Variants in PTPN13 observed in about 807,000 individuals in gnomAD.
PTPN13 encodes protein tyrosine phosphatase non-receptor type 13.
A neutral mutation model predicts 284.0 loss-of-function variants in PTPN13; 191 were observed. That is an observed-to-expected ratio of 0.67 (90% CI 0.60 to 0.76). The LOEUF (loss-of-function observed/expected upper bound fraction) is 0.76, where lower values mean the gene tolerates loss of function less well. Among genes scored for constraint, PTPN13 ranks in the 30% least tolerant of loss-of-function variants. The pLI is 0.00. For synonymous variants in PTPN13, 986 were observed against 1,022.3 expected (o/e 0.96, Z 0.68); for missense variants, 2,797 against 2,939.9 (o/e 0.95, Z 1.12).
At chr4:86,700,050 G>C (rs1649332062) in intron 6 of PTPN13, among the ~76,000 whole-genome samples, 1 of 152,054 alleles carries the variant, frequency 6.6e-6, no homozygotes, top group South Asian at 2.1e-4. Context: ...GGAAGATGAG[G>C]CACAATAAAA....
intron 40 of PTPN13, among the ~76,000 whole-genome samples, chr4:86,787,384 G>A (rs868349091): frequency 7.9e-5 from 12 of 152,014 alleles, no homozygotes; most frequent in Non-Finnish European, 8.8e-5. Context: ...CCTGAGGTTG[G>A]GAGTTCAAGA....
intron 1 of PTPN13, among the ~76,000 whole-genome samples, chr4:86,613,050 A>G (rs1388259760): frequency 6.6e-6 from 1 of 152,242 alleles, no homozygotes; most frequent in Non-Finnish European, 1.5e-5. Flanking sequence ...AATGCTAACT[A>G]CATCAATAAA....
chr4:86,704,519 T>A (rs977960718), intron 7 of PTPN13, among the ~76,000 whole-genome samples: 4 of 152,214 alleles, frequency 2.6e-5, no homozygotes, highest in Non-Finnish European at 4.4e-5. Flanking sequence ...TTAAGGAAAC[T>A]CAGACCATCT....
chr4:86,797,790 T>C (rs192780774), intron 41 of PTPN13, among the ~76,000 whole-genome samples: 3 of 152,114 alleles, frequency 2.0e-5, no homozygotes, highest in Admixed American at 6.5e-5. Flanking sequence ...CCACAAAATA[T>C]GTTTTAAAAC....
Position 86,814,497 on chromosome 4 carries a change from G to A in PTPN13, c.7404G>A (p.Leu2468=), listed in dbSNP as rs749815306. The A allele has an allele frequency of 2.5e-6, 4 of 1,612,648 alleles. No homozygotes were observed. Among genetic ancestry groups the A allele is most frequent in the Non-Finnish European group, 3.4e-6 (4 of 1,179,506 alleles). Residue 2468 remains leucine, a synonymous_variant, in exon 48 of 48, where the codon CTG becomes CTA. Coordinates refer to ENST00000411767, the MANE Select transcript of PTPN13 (RefSeq NM_080683.3). ...IFCYQVILYV[L]TRLQAEEEQK... is the part of the protein sequence containing the mutation. ...GCTATCAAGTCATCCTTTATGTCCT[G>A]ACACGTCTTCAAGCAGAAGAAGAGC...
chr4:86,652,244 G>A (rs1444845812), intron 2 of PTPN13, among the ~76,000 whole-genome samples: 1 of 151,924 alleles, frequency 6.6e-6, no homozygotes, highest in Non-Finnish European at 1.5e-5. Flanking sequence ...AGTTATTTTA[G>A]TTATTATTTT....
chr4:86,732,252 G>A, intron 10 of PTPN13, 148 bp from the exon 11 acceptor site: 1 of 631,434 alleles, frequency 1.6e-6, no homozygotes, highest in South Asian at 2.3e-5. Flanking sequence ...CTTCATGAAA[G>A]CTTCAACGTT....
intron 10 of PTPN13, among the ~76,000 whole-genome samples, chr4:86,727,783 T>G (rs1263094345): frequency 1.3e-5 from 2 of 149,504 alleles, no homozygotes; most frequent in Admixed American, 6.7e-5. Context: ...TTCATTGATT[T>G]TTTTGAAGGG....
chr4:86,677,186 G>A (rs562363240), intron 3 of PTPN13, among the ~76,000 whole-genome samples: 1 of 152,044 alleles, frequency 6.6e-6, no homozygotes, highest in Non-Finnish European at 1.5e-5. Context: ...AGAATGGCGT[G>A]AACCTGGGAG....
chr4:86,646,324 A>C (rs1023822251), intron 2 of PTPN13, among the ~76,000 whole-genome samples: 3 of 148,336 alleles, frequency 2.0e-5, no homozygotes, highest in Non-Finnish European at 4.5e-5. Context: ...TAAAGACAGA[A>C]TCTCCCTCTG....
chr4:86,761,141 T>TATATAC (rs1738628964), intron 23 of PTPN13, among the ~76,000 whole-genome samples: 1 of 128,846 alleles, frequency 7.8e-6, no homozygotes. Context: ...TGTGTGTAAA[T>TATATAC]ATATATATAT....
intron 1 of PTPN13, among the ~76,000 whole-genome samples, chr4:86,599,674 TA>T (rs1764124506): frequency 6.6e-6 from 1 of 152,184 alleles, no homozygotes; most frequent in African/African-American, 2.4e-5. Flanking sequence ...TAATTCCTGT[TA>T]TTTCCTTCAG....
chr4:86,697,063 A>G (rs546674831), intron 6 of PTPN13, among the ~76,000 whole-genome samples: 43 of 152,234 alleles, frequency 2.8e-4, no homozygotes, highest in African/African-American at 9.6e-4. Context: ...CTAATAGTCA[A>G]CTGCATAGAC....
chr4:86,786,649 C>T (rs1043754495), intron 40 of PTPN13, among the ~76,000 whole-genome samples: 2 of 151,944 alleles, frequency 1.3e-5, no homozygotes, highest in Non-Finnish European at 1.5e-5. Flanking sequence ...TTAATAATTA[C>T]AGTAAAAATA....
chr4:86,721,026 C>T (rs1715030718), intron 9 of PTPN13, among the ~76,000 whole-genome samples: 1 of 151,912 alleles, frequency 6.6e-6, no homozygotes, highest in Non-Finnish European at 1.5e-5. Context: ...TTCTGTGCCT[C>T]TCTGCTTGTT....
At chr4:86,731,965 G>A (rs571805940) in intron 10 of PTPN13, among the ~76,000 whole-genome samples, 4 of 152,224 alleles carry the variant, frequency 2.6e-5, no homozygotes, top group South Asian at 2.1e-4. Flanking sequence ...GCTGAATGTC[G>A]CTTTCTAAGA....
intron 7 of PTPN13, among the ~76,000 whole-genome samples, chr4:86,710,988 G>A (rs927594407): frequency 8.6e-5 from 13 of 151,040 alleles, no homozygotes; most frequent in Non-Finnish European, 1.6e-4. Flanking sequence ...CAGTGGCATC[G>A]TCTTAGCTTA....
intron 1 of PTPN13, among the ~76,000 whole-genome samples, chr4:86,613,633 C>CAAAAAAAAAAAAAAAAAAAAAAAAAAA (rs544971012): frequency 6.5e-5 from 4 of 61,528 alleles, no homozygotes; most frequent in African/African-American, 1.2e-4. Flanking sequence ...GACTCCGTCT[C>CAAAAAAAAAAAAAAAAAAAAAAAAAAA]AAAAAAAAAA....
At chr4:86,608,088 A>G (rs1764953561) in intron 1 of PTPN13, among the ~76,000 whole-genome samples, 1 of 152,102 alleles carries the variant, frequency 6.6e-6, no homozygotes, top group African/African-American at 2.4e-5. Flanking sequence ...TATGTTAAAT[A>G]GATAAAAGGT....
Sources: allele counts gnomAD v4.1 joint callset (sites outside exome capture counted in the v4.1 genomes callset), GRCh38; gene constraint gnomAD v4.1.1; transcripts MANE v1.5; gene names NCBI Gene and HGNC (gene_info 2026-07-23, HGNC 2026-07-21).